The following PRB3 variants were observed in gnomAD, a reference collection of about 807,000 sequenced individuals.
PRB3 encodes the protein proline rich protein BstNI subfamily 3.
PRB3 carries 9 observed loss-of-function variants against 10.0 expected under a neutral mutation model. The observed-to-expected ratio is 0.90, with a 90% confidence interval of 0.54 to 1.57. PRB3 has a LOEUF of 1.57. Among genes scored for constraint, PRB3 ranks in the 40% most tolerant of loss-of-function variants. The probability of loss-of-function intolerance (pLI) is 0.00; values close to 1 mark genes in which losing one functional copy is unlikely to be tolerated. For missense variants in PRB3, 285 were observed against 385.5 expected (o/e 0.74, Z 2.18); for synonymous variants, 89 against 138.6 (o/e 0.64, Z 2.52).
intron 2 of PRB3, 118 bp downstream of exon 2, chr12:11,268,515 G>T: frequency 1.5e-6 from 2 of 1,337,364 alleles, no homozygotes. Flanking sequence ...GCATTATTAG[G>T]GGGACTAATA....
chr12:11,268,689 G>A, intron 1 of PRB3, 21 bp from the exon 2 acceptor site: 2 of 1,612,184 alleles, frequency 1.2e-6, no homozygotes, highest in Non-Finnish European at 1.7e-6. Context: ...AGCACAGGAT[G>A]ATGGGAAAGG....
In PRB3 at chr12:11,269,524, T is replaced by TCTC. The variant is rs1166549547; in HGVS notation, c.64+79_64+81dup. 1.6e-5 allele frequency: 24 copies of TCTC among 1,543,876 alleles called. No homozygotes were observed. The African/African-American group carries it at 3.3e-4, about 21-fold the overall frequency. On this transcript the variant is annotated intron_variant, in intron 1 of 3. Transcript: ENST00000538488. The stretch of plus-strand genomic sequence containing the variant: ...TCTGCAGCCCCATCTGTGTTTTCAT[T>TCTC]CTCCTCTCTTCCCCATAATTACAAC...
Position 11,268,070 on chromosome 12 carries a change from C to G in PRB3, c.179G>C (p.Arg60Pro), listed in dbSNP as rs71455364. 880 of 1,538,882 alleles carry G rather than the reference C, an allele frequency of 5.7e-4. No individual in the cohort carries two copies. Among genetic ancestry groups the G allele is most frequent in the Non-Finnish European group, 6.1e-4 (698 of 1,141,216 alleles). Residue 60 changes from arginine to proline, a missense_variant, in exon 3 of 4, where the codon CGA (arginine) becomes CCA (proline). Physicochemically the swap from Arg to Pro is moderately radical, Grantham distance 103 (BLOSUM62 -2). This residue lies in a region of PRB3 where 147 missense variants were observed against 129.4 expected (regional missense o/e 1.14). Transcript: ENST00000538488. ...GGACTGGTTGCCTCCTTGTGGGGGT[C>G]GTCCTTCTGGCTTTCCTGGAGGAGG... is the stretch of plus-strand genomic sequence containing the variant. ...TPPPPGKPEG[R>P]PPQGGNQSQG...
At chr12:11,268,930 A>G (rs540708402) in intron 1 of PRB3, among the ~76,000 whole-genome samples, 1 of 152,276 alleles carries the variant, frequency 6.6e-6, no homozygotes, top group Non-Finnish European at 1.5e-5. Context: ...CTTAATGCTA[A>G]TTTAGTTTAC....
At chr12:11,267,126 G>C (rs1201435207) in intron 3 of PRB3, 50 bp downstream of exon 3, 9 of 1,518,540 alleles carry the variant, frequency 5.9e-6, no homozygotes, top group Non-Finnish European at 8.2e-6. Context: ...AATAAAGTTG[G>C]AGAACTGTAA....
intron 1 of PRB3, 40 bp from the exon 2 acceptor site, chr12:11,268,708 C>T: frequency 1.3e-5 from 20 of 1,599,434 alleles, no homozygotes; most frequent in South Asian, 3.3e-5. Context: ...GGTTACATCT[C>T]GAATTTTGCA....
rs1195961564 is a variant in PRB3, at chr12:11,267,688, G to A, written c.561C>T (p.Pro187=). 2.6e-6 allele frequency: 4 copies of A among 1,510,368 alleles called. No homozygotes were observed. Among genetic ancestry groups the A allele is most frequent in the Non-Finnish European group, 2.7e-6 (3 of 1,128,616 alleles). The allele number at this position is 1,510,368 out of a possible 1,614,324, so 93.6% of individuals were successfully genotyped here. Residue 187 remains proline, a synonymous_variant, in exon 3 of 4, where the codon CCC becomes CCT. Coordinates refer to ENST00000538488, the MANE Select transcript of PRB3 (RefSeq NM_001394862.1). Reference sequence around the variant, plus strand: ...CTTGGGACTGGTTTCCTCCTTGTGGGGGTGGTCCTTCTGGCTTTCCCGGAT... The same window carrying A: ...CTTGGGACTGGTTTCCTCCTTGTGGAGGTGGTCCTTCTGGCTTTCCCGGAT... ...PPHPGKPEGP[P]PQGGNQSQGP... is the part of the protein sequence containing the mutation.
chr12:11,268,036 G>A lies in PRB3; in HGVS notation c.213C>T (p.Pro71=), dbSNP rs910923659. The A allele has an allele frequency of 6.2e-7, 1 of 1,600,620 alleles. No homozygotes were observed. The highest frequency in any genetic ancestry group is 8.5e-7 in the Non-Finnish European group (1 of 1,172,028). Residue 71 remains proline, a synonymous_variant, in exon 3 of 4, where the codon CCC becomes CCT. Transcript: ENST00000538488. ...PPQGGNQSQG[P]PPRPGKPEGP... ...CTTCTGGCTTTCCTGGACGAGGTGGGGGACCTTGGGACTGGTTGCCTCCTT... is the reference window on the plus strand; with the variant it reads ...CTTCTGGCTTTCCTGGACGAGGTGGAGGACCTTGGGACTGGTTGCCTCCTT...
At chr12:11,266,879 C>G (rs1194331650) in intron 3 of PRB3, among the ~76,000 whole-genome samples, 1 of 152,148 alleles carries the variant, frequency 6.6e-6, no homozygotes, top group Non-Finnish European at 1.5e-5. Context: ...TGCAATATCT[C>G]TGAGTTTGTG....
In PRB3 at chr12:11,267,354, G is replaced by T. The variant is rs781716004; in HGVS notation, c.895C>A (p.Pro299Thr). ...QGPPPQEGNK[P>T]QRPPPPGRPQ... ...CTTCCTGGAGGAGGGGGACGTTGAG[G>T]TTTGTTACCTTCTTGTGGGGGTGGT... The change falls in exon 3 of 4, where the codon CCT (proline) becomes ACT (threonine). Residue 299 changes from proline (P) to threonine (T), a missense_variant. Around this residue, in one of 3 missense-constraint regions of PRB3, gnomAD observed 108 missense variants for 106.9 expected, o/e 1.01. Coordinates refer to ENST00000538488, the MANE Select transcript of PRB3 (RefSeq NM_001394862.1). 2 of 1,609,348 alleles carry T rather than the reference G, an allele frequency of 1.2e-6. No homozygotes were observed. Among genetic ancestry groups the T allele is most frequent in the East Asian group, 2.2e-5 (1 of 44,566 alleles).
Position 11,268,103 on chromosome 12 carries a change from C to T in PRB3, c.146G>A (p.Arg49His), listed in dbSNP as rs777254866. Residue 49 changes from arginine to histidine, a missense_variant, in exon 3 of 4, where the codon CGT (arginine) becomes CAT (histidine). Physicochemically the swap from Arg to His is conservative, Grantham distance 29. Transcript: ENST00000538488. ...TGGCTTTCCTGGAGGAGGTGGGGTA[C>T]GTTGGGGCTGGTTTCCTCCTTGTGG... is the stretch of plus-strand genomic sequence containing the variant. ...RRPQGGNQPQ[R>H]TPPPPGKPEG... 58 of 1,607,832 alleles carry T rather than the reference C, an allele frequency of 3.6e-5. No individual in the cohort carries two copies. The highest frequency in any genetic ancestry group is 4.5e-5 in the East Asian group (2 of 44,742).
intron 3 of PRB3, among the ~76,000 whole-genome samples, chr12:11,266,589 A>C (rs1375742695): frequency 6.6e-6 from 1 of 152,232 alleles, no homozygotes; most frequent in Non-Finnish European, 1.5e-5. Flanking sequence ...TGCACACATA[A>C]ATATTTCAAA....
At chr12:11,268,241 C>A in intron 2 of PRB3, 93 bp from the exon 3 acceptor site, 1 of 1,584,694 alleles carries the variant, frequency 6.3e-7, no homozygotes, top group East Asian at 2.2e-5. Context: ...AAATAAGACC[C>A]AGACACTAAT....
At chr12:11,268,807 C>A in intron 1 of PRB3, 139 bp from the exon 2 acceptor site, 2 of 1,082,092 alleles carry the variant, frequency 1.8e-6, no homozygotes, top group East Asian at 2.4e-5. Flanking sequence ...ATCTGTGAAG[C>A]TGCTGGAAGG....
rs1401400163 is a variant in PRB3, at chr12:11,267,431, T to G, written c.818A>C (p.Gln273Pro). The part of the protein sequence containing the change: ...RPGKPEGPPS[Q>P]GGNKPQGPPP... ...GGGACCTTGAGGTTTGTTGCCTCCT[T>G]GTGAAGGTGGTCCTTCTGGCTTTCC... The change falls in exon 3 of 4, where the codon CAA becomes CCA. Residue 273 changes from glutamine (Q) to proline (P), a missense_variant. By Grantham distance (76) the Gln-to-Pro change is moderately conservative. Around this residue, in one of 3 missense-constraint regions of PRB3, gnomAD observed 108 missense variants for 106.9 expected, o/e 1.01. Coordinates refer to ENST00000538488, the MANE Select transcript of PRB3 (RefSeq NM_001394862.1). The G allele has an allele frequency of 6.4e-7, 1 of 1,563,974 alleles. No individual in the cohort carries two copies.
chr12:11,267,342 G>A lies in PRB3; in HGVS notation c.907C>T (p.Pro303Ser), dbSNP rs1202629085. 1.9e-6 allele frequency: 3 copies of A among 1,612,036 alleles called. No homozygotes were observed. The highest frequency in any genetic ancestry group is 4.5e-5 in the East Asian group (2 of 44,774). Residue 303 changes from proline to serine, a missense_variant, in exon 3 of 4, where the codon CCT becomes TCT. Pro to Ser is a moderately conservative substitution (Grantham distance 74, BLOSUM62 -1). This residue lies in a region of PRB3 where 108 missense variants were observed against 106.9 expected (regional missense o/e 1.01). Transcript: ENST00000538488. ...GGTCCTTGTGGCCTTCCTGGAGGAG[G>A]GGGACGTTGAGGTTTGTTACCTTCT... ...PQEGNKPQRP[P>S]PPGRPQGPPP...
rs1218844385 is a variant in PRB3 at position 11,266,946 on chromosome 12, A to G, written c.*17+230T>C. Among the ~76,000 whole-genome samples, 4 of 152,214 alleles carry G rather than the reference A, an allele frequency of 2.6e-5. No individual in the cohort carries two copies. In the South Asian group the frequency reaches 6.2e-4, roughly 24 times the overall value. ...GTACTACTTCCTCATTGCCAACACAATTTAAGACAGATTGTATGGTATGTT... is the reference window on the plus strand; with the variant it reads ...GTACTACTTCCTCATTGCCAACACAGTTTAAGACAGATTGTATGGTATGTT... On this transcript the variant is annotated intron_variant, in intron 3 of 3. Coordinates refer to ENST00000538488, the MANE Select transcript of PRB3 (RefSeq NM_001394862.1).
rs190697714 is a variant in PRB3, at chr12:11,269,096, C to T, written c.65-428G>A. On this transcript the variant is annotated intron_variant, in intron 1 of 3. Transcript: ENST00000538488. ...ATACCACTCCCAGCACATTGAAATA[C>T]TGTGTGTAGGGGAAAGAAAAATCAC... Among the ~76,000 whole-genome samples, 635 of 152,290 alleles carry T rather than the reference C, an allele frequency of 4.2e-3. 4 individuals are homozygous for T. The highest frequency in any genetic ancestry group is 4.7e-3 in the Non-Finnish European group (323 of 68,032).
chr12:11,266,298 A>G (rs1948585983), intron 3 of PRB3, among the ~76,000 whole-genome samples: 2 of 152,212 alleles, frequency 1.3e-5, no homozygotes. Context: ...TTGTTCAGGG[A>G]TATATTTACA....
Sources: allele counts gnomAD v4.1 joint callset (sites outside exome capture counted in the v4.1 genomes callset), GRCh38; gene constraint gnomAD v4.1.1; regional missense constraint gnomAD v4.1.1; transcripts MANE v1.5; gene names NCBI Gene and HGNC (gene_info 2026-07-23, HGNC 2026-07-21).